Variants in ENTPD6 observed in about 807,000 individuals in gnomAD.
The protein encoded by ENTPD6 is ectonucleoside triphosphate diphosphohydrolase 6.
A neutral mutation model predicts 61.5 loss-of-function variants in ENTPD6; 46 were observed. The observed-to-expected ratio is 0.75, with a 90% CI of 0.59 to 0.96. ENTPD6 has a LOEUF of 0.96. Among genes scored for constraint, ENTPD6 ranks in the 40% least tolerant of loss-of-function variants. The pLI is 0.00. For synonymous variants in ENTPD6, 252 were observed against 255.5 expected, an observed-to-expected ratio of 0.99 and a Z score of 0.13; for missense variants, 612 against 629.0, an observed-to-expected ratio of 0.97 and a Z score of 0.29.
At chr20:25,196,741 C>T (rs540791834) in intron 1 of ENTPD6, among the ~76,000 whole-genome samples, 1 of 152,314 alleles carries the variant, frequency 6.6e-6, no homozygotes, top group East Asian at 1.9e-4. Flanking sequence ...TACAAGGACT[C>T]TTCCTCCCAC....
At position 25,214,989 on chromosome 20, in the gene ENTPD6, T is replaced by G. The variant is rs760373050; in HGVS notation, c.673+47T>G. ...TGTACAGTGGGGCTGTGCAGTGAGG[T>G]GGGTGGGAGCAATCCTGCTGCTTCT... On this transcript the variant is annotated intron_variant, in intron 6 of 14. Coordinates refer to ENST00000376652, the MANE Select transcript of ENTPD6 (RefSeq NM_001247.5). The G allele has an allele frequency of 6.1e-6, 8 of 1,303,050 alleles. No individual in the cohort carries two copies. The Admixed American group carries it at 1.0e-4, about 16-fold the overall frequency. The allele number at this position is 1,303,050 out of a possible 1,614,324, so 80.7% of individuals were successfully genotyped here. A position where few individuals can be genotyped will look rare whatever the true frequency, so the allele number is the denominator to read the frequency against.
intron 1 of ENTPD6, among the ~76,000 whole-genome samples, chr20:25,205,507 G>A (rs1031333284): frequency 2.3e-5 from 2 of 85,908 alleles, no homozygotes; most frequent in Admixed American, 2.3e-4. Flanking sequence ...AAGCCACAGG[G>A]GCCAGCAGGG....
In ENTPD6 at chr20:25,207,200, T is replaced by A. The variant is rs765454508; in HGVS notation, c.179T>A (p.Ile60Asn). Residue 60 changes from isoleucine to asparagine, a missense_variant, in exon 3 of 15, where the codon ATC (isoleucine) becomes AAC (asparagine). By Grantham distance (149) the Ile-to-Asn change is moderately radical. Coordinates refer to ENST00000376652, the MANE Select transcript of ENTPD6 (RefSeq NM_001247.5). ...GGCGTGTTCATCTATGTTGCCTACA[T>A]CAAGTGGCACCGGGCCACCGCCACC... ...CVGVFIYVAY[I>N]KWHRATATQA... The A allele has an allele frequency of 6.2e-7, 1 of 1,614,042 alleles. No individual in the cohort carries two copies. The highest frequency in any genetic ancestry group is 1.1e-5 in the South Asian group (1 of 91,080).
At chr20:25,215,009 G>A in intron 6 of ENTPD6, 67 bp downstream of exon 6, 1 of 1,082,634 alleles carries the variant, frequency 9.2e-7, no homozygotes, top group Non-Finnish European at 1.4e-6. Context: ...CAATCCTGCT[G>A]CTTCTAACCA....
At chr20:25,225,154 GC>G in intron 13 of ENTPD6, 50 bp from the exon 14 acceptor site, 1 of 1,570,560 alleles carries the variant, frequency 6.4e-7, no homozygotes. Context: ...TTGCCCCTCC[GC>G]CCCCAGGTGG....
intron 1 of ENTPD6, among the ~76,000 whole-genome samples, chr20:25,196,912 C>A (rs1199046208): frequency 1.3e-5 from 2 of 152,110 alleles, no homozygotes; most frequent in African/African-American, 4.8e-5. Flanking sequence ...GGTAAAGGAC[C>A]AGGGAGGTGG....
At chr20:25,206,436 A>G (rs979434855) in intron 1 of ENTPD6, 86 bp from the exon 2 acceptor site, 8 of 1,055,222 alleles carry the variant, frequency 7.6e-6, no homozygotes, top group Non-Finnish European at 1.2e-5. Context: ...AACCAAAAAC[A>G]ATGGCACCCA....
intron 1 of ENTPD6, among the ~76,000 whole-genome samples, chr20:25,203,763 A>T (rs936150533): frequency 5.9e-5 from 9 of 151,962 alleles, no homozygotes; most frequent in Non-Finnish European, 1.3e-4. Context: ...CTGCCACTTC[A>T]TTTTCTTCCT....
chr20:25,199,033 T>C (rs1476898477), intron 1 of ENTPD6, among the ~76,000 whole-genome samples: 2 of 152,132 alleles, frequency 1.3e-5, no homozygotes, highest in African/African-American at 4.8e-5. Context: ...CTGCCCGTTT[T>C]CCCCCTCAGT....
chr20:25,217,386 A>C lies in ENTPD6; in HGVS notation c.799-116A>C, dbSNP rs933836357. 8.6e-6 allele frequency: 8 copies of C among 926,502 alleles called. No homozygotes were observed. In the African/African-American group the frequency reaches 1.3e-4, roughly 15 times the overall value. 57.4% of individuals were successfully genotyped at this position (926,502 alleles called of 1,614,324 possible). On this transcript the variant is annotated intron_variant, in intron 8 of 14. Transcript: ENST00000376652. ...TCTCGCAGCCAGCGACCTAGTGAAC[A>C]GCTCATTTAATTGGCTGCACCTGAC...
At chr20:25,213,156 G>A in intron 4 of ENTPD6, 107 bp from the exon 5 acceptor site, 7 of 1,303,796 alleles carry the variant, frequency 5.4e-6, no homozygotes, top group African/African-American at 1.4e-5. Context: ...GCAACACAGT[G>A]AGACTCTGTC....
intron 1 of ENTPD6, chr20:25,196,992 G>A (rs1402941694): frequency 1.7e-6 from 1 of 581,474 alleles, no homozygotes; most frequent in East Asian, 1.4e-4. Flanking sequence ...GGAAACAGCA[G>A]GTGGTGTTGA....
chr20:25,197,423 C>T (rs1044762471), intron 1 of ENTPD6, among the ~76,000 whole-genome samples: 3 of 152,186 alleles, frequency 2.0e-5, no homozygotes, highest in South Asian at 4.1e-4. Flanking sequence ...AGTCCCCACC[C>T]GCTACCTTCC....
At chr20:25,217,646 C>T (rs756572647) in intron 9 of ENTPD6, 65 bp downstream of exon 9, 93 of 1,396,972 alleles carry the variant, frequency 6.7e-5, no homozygotes, top group Non-Finnish European at 8.8e-5. Context: ...CAGGGCCTCG[C>T]ATGGCCCTCT....
intron 11 of ENTPD6, 174 bp downstream of exon 11, chr20:25,221,507 T>C (rs754873917): frequency 1.9e-5 from 13 of 689,054 alleles, no homozygotes; most frequent in Admixed American, 8.3e-5. Flanking sequence ...CCTGTGTCTG[T>C]GCTGAGAGCC....
At chr20:25,202,177 T>G (rs983389333) in intron 1 of ENTPD6, among the ~76,000 whole-genome samples, 1 of 152,210 alleles carries the variant, frequency 6.6e-6, no homozygotes, top group African/African-American at 2.4e-5. Flanking sequence ...CTTCATTGTC[T>G]TCATGTTGAG....
At chr20:25,216,516 G>T in intron 7 of ENTPD6, 132 bp from the exon 8 acceptor site, 1 of 648,758 alleles carries the variant, frequency 1.5e-6, no homozygotes, top group Non-Finnish European at 2.7e-6. Context: ...ACCCTTAAAT[G>T]GAGATTTGTC....
In ENTPD6 at chr20:25,226,483, G is replaced by A. The variant is rs564336301; in HGVS notation, c.*886G>A. ...CATGTCTTAGGTGCAGCTGTGCCAC[G>A]GGTCAGCTGAGCCACAGTCCCAGAA... On this transcript the variant is annotated 3_prime_UTR_variant, in exon 15 of 15. Transcript: ENST00000376652. The A allele has an allele frequency of 3.3e-5, 5 of 152,672 alleles. No individual in the cohort carries two copies. Among genetic ancestry groups the A allele is most frequent in the Admixed American group, 1.3e-4 (2 of 15,276 alleles). The allele number at this position is 152,672 out of a possible 1,614,324, so 9.5% of individuals were successfully genotyped here.
intron 3 of ENTPD6, among the ~76,000 whole-genome samples, chr20:25,208,272 G>A (rs1271267601): frequency 2.6e-5 from 4 of 152,156 alleles, no homozygotes. Context: ...TTACAGTAGT[G>A]AAATATTTAG....
Sources: allele counts gnomAD v4.1 joint callset (sites outside exome capture counted in the v4.1 genomes callset), GRCh38; gene constraint gnomAD v4.1.1; transcripts MANE v1.5; gene names NCBI Gene and HGNC (gene_info 2026-07-23, HGNC 2026-07-21).